Variants in TANC1 observed in about 807,000 individuals in gnomAD.
TANC1 encodes tetratricopeptide repeat, ankyrin repeat and coiled-coil containing 1, also known as protein TANC1.
TANC1 carries 77 observed loss-of-function variants against 149.7 expected under a neutral mutation model. The observed-to-expected ratio is 0.51, with a 90% CI of 0.43 to 0.62. The LOEUF (loss-of-function observed/expected upper bound fraction) is 0.62, where lower values mean the gene tolerates loss of function less well. Ranked by LOEUF, TANC1 falls within the 20% of genes least tolerant of loss-of-function variation. The pLI, the probability that TANC1 is intolerant of heterozygous loss-of-function variation, is 0.00. For missense variants in TANC1, 1,985 were observed against 2,321.8 expected (o/e 0.85, Z 2.98); for synonymous variants, 854 against 925.0 (o/e 0.92, Z 1.39).
chr2:158,999,002 A>T (rs1170216373), intron 1 of TANC1, among the ~76,000 whole-genome samples: 1 of 152,194 alleles, frequency 6.6e-6, no homozygotes, highest in Non-Finnish European at 1.5e-5. Flanking sequence ...AGACTTGGGG[A>T]TTTGCCCAGA....
At chr2:159,038,928 C>T (rs537369693) in intron 2 of TANC1, among the ~76,000 whole-genome samples, 2 of 152,278 alleles carry the variant, frequency 1.3e-5, no homozygotes, top group South Asian at 2.1e-4. Flanking sequence ...AGGAATGGTA[C>T]CAGCTCCTCT....
At chr2:159,223,839 A>G (rs1371314543) in intron 22 of TANC1, among the ~76,000 whole-genome samples, 1 of 152,128 alleles carries the variant, frequency 6.6e-6, no homozygotes, top group African/African-American at 2.4e-5. Context: ...TTCTAAAGTC[A>G]CCACTGCTGT....
At chr2:159,090,389 A>G (rs572074086) in intron 3 of TANC1, among the ~76,000 whole-genome samples, 7 of 152,170 alleles carry the variant, frequency 4.6e-5, no homozygotes, top group African/African-American at 1.7e-4. Flanking sequence ...CTTTTTGACC[A>G]CCTTCTTGCT....
intron 1 of TANC1, among the ~76,000 whole-genome samples, chr2:158,981,197 G>A (rs955398834): frequency 6.6e-6 from 1 of 151,942 alleles, no homozygotes; most frequent in African/African-American, 2.4e-5. Flanking sequence ...AGACACACCT[G>A]TAATCCTGGC....
intron 8 of TANC1, among the ~76,000 whole-genome samples, chr2:159,165,837 C>A (rs2054546582): frequency 6.6e-6 from 1 of 152,250 alleles, no homozygotes; most frequent in African/African-American, 2.4e-5. Flanking sequence ...GACCTCTGTT[C>A]ACAGCCTCCT....
intron 2 of TANC1, among the ~76,000 whole-genome samples, chr2:159,028,947 G>T (rs1473007944): frequency 6.6e-6 from 1 of 152,124 alleles, no homozygotes; most frequent in African/African-American, 2.4e-5. Flanking sequence ...TAGAGATGAG[G>T]ATCTTGCTAT....
intron 16 of TANC1, among the ~76,000 whole-genome samples, chr2:159,188,902 T>C (rs73002964): frequency 0.015 from 2,348 of 152,336 alleles, 53 homozygotes; most frequent in African/African-American, 0.044. Context: ...AATTTCCATA[T>C]CGTTGGGGGA....
At chr2:158,981,489 TTTTATATATATATATATA>T (rs2034308269) in intron 1 of TANC1, among the ~76,000 whole-genome samples, 1 of 51,692 alleles carries the variant, frequency 1.9e-5, no homozygotes, top group South Asian at 9.5e-4. Context: ...AATATATAGC[TTTTATATATATATATATA>T]TATATATATA....
At chr2:159,205,438 T>C (rs557365454) in intron 19 of TANC1, among the ~76,000 whole-genome samples, 1 of 152,316 alleles carries the variant, frequency 6.6e-6, no homozygotes, top group East Asian at 1.9e-4. Flanking sequence ...CCCCACATAA[T>C]GATGTTTCTG....
chr2:159,210,720 A>G (rs1389548248), intron 19 of TANC1, among the ~76,000 whole-genome samples: 1 of 151,862 alleles, frequency 6.6e-6, no homozygotes, highest in Non-Finnish European at 1.5e-5. Context: ...GGAATGTGTC[A>G]TCACGCCCAG....
In TANC1 at chr2:159,109,145, C is replaced by G. The variant is rs118176127; in HGVS notation, c.259+11311C>G. On this transcript the variant is annotated intron_variant, in intron 4 of 26. Coordinates refer to ENST00000263635, the MANE Select transcript of TANC1 (RefSeq NM_033394.3). ...CACCCTAAATCCAGAACTGGTGAGA[C>G]TGCAGTTCAGCTAATGAGATGTGAA... Among the ~76,000 whole-genome samples the G allele has an allele frequency of 5.3e-5, 8 of 152,326 alleles. No individual in the cohort carries two copies. In the East Asian group the frequency reaches 1.4e-3, roughly 26 times the overall value.
In TANC1 at chr2:159,231,743, G is replaced by T. The variant is rs950301942; in HGVS notation, c.*731G>T. On this transcript the variant is annotated 3_prime_UTR_variant, in exon 27 of 27. Coordinates refer to ENST00000263635, the MANE Select transcript of TANC1 (RefSeq NM_033394.3). Reference sequence around the variant, plus strand: ...TGGAGTCATGATTGGTGGTCAAGTGGATTCAAGCTAAAATACTAAGACCAG... The same window carrying T: ...TGGAGTCATGATTGGTGGTCAAGTGTATTCAAGCTAAAATACTAAGACCAG... The T allele has an allele frequency of 6.6e-6, 1 of 152,144 alleles. No homozygotes were observed. Among genetic ancestry groups the T allele is most frequent in the African/African-American group, 2.4e-5 (1 of 41,422 alleles). 9.4% of individuals were successfully genotyped at this position (152,144 alleles called of 1,614,324 possible).
intron 14 of TANC1, among the ~76,000 whole-genome samples, chr2:159,185,517 G>C (rs747752465): frequency 1.3e-5 from 2 of 152,188 alleles, no homozygotes; most frequent in African/African-American, 4.8e-5. Flanking sequence ...CCTAGTGGTG[G>C]TGATCCTGAG....
At chr2:159,196,381 T>G (rs548326284) in intron 17 of TANC1, among the ~76,000 whole-genome samples, 1 of 152,306 alleles carries the variant, frequency 6.6e-6, no homozygotes, top group East Asian at 1.9e-4. Flanking sequence ...GGAGGGTGTT[T>G]TGTGACCCTG....
rs373966014 is a variant in TANC1 at position 159,163,450 on chromosome 2, A to G, written c.850A>G (p.Thr284Ala). Reference protein sequence around the residue: ...EEETTGSAESTLPKAESSAGD... With the variant: ...EEETTGSAESALPKAESSAGD... ...GGAGACCACCGGGTCAGCAGAGAGC[A>G]CGCTGCCCAAAGCAGAATCCTCAGC... is the stretch of plus-strand genomic sequence containing the variant. Residue 284 changes from threonine to alanine, a missense_variant, in exon 8 of 27, where the codon ACG (threonine) becomes GCG (alanine). Transcript: ENST00000263635. 42 of 1,613,976 alleles carry G rather than the reference A, an allele frequency of 2.6e-5. No individual in the cohort carries two copies. Among genetic ancestry groups the G allele is most frequent in the Non-Finnish European group, 3.5e-5 (41 of 1,180,020 alleles).
chr2:159,059,796 T>C (rs1315067568), intron 2 of TANC1, among the ~76,000 whole-genome samples: 1 of 151,776 alleles, frequency 6.6e-6, no homozygotes, highest in African/African-American at 2.4e-5. Flanking sequence ...CTAGGAGTGA[T>C]GAGACATGGC....
intron 2 of TANC1, among the ~76,000 whole-genome samples, chr2:159,050,363 G>A (rs574965984): frequency 5.1e-4 from 78 of 152,268 alleles, no homozygotes; most frequent in African/African-American, 1.9e-3. Context: ...TTGATTACAG[G>A]TGTGAGCCAC....
chr2:159,125,837 C>T (rs1175643069), intron 4 of TANC1, among the ~76,000 whole-genome samples: 1 of 152,158 alleles, frequency 6.6e-6, no homozygotes, highest in Admixed American at 6.5e-5. Flanking sequence ...ATCCACCCGC[C>T]TCGGTCTCCC....
In TANC1 at chr2:159,178,552, C is replaced by T. The variant is rs2056127896; in HGVS notation, c.1903-4C>T. 6.5e-7 allele frequency: 1 copy of T among 1,549,428 alleles called. No homozygotes were observed. Among genetic ancestry groups the T allele is most frequent in the Non-Finnish European group, 8.7e-7 (1 of 1,150,468 alleles). On this transcript the variant is annotated splice_polypyrimidine_tract_variant and splice_region_variant and intron_variant, in intron 13 of 26. Transcript: ENST00000263635. ...ACACTGTGGGTTTTTGTTTTCTCCC[C>T]CAGGAAATCATAAGTGCGCTGCCAT... is the stretch of plus-strand genomic sequence containing the variant.
Sources: gnomAD v4.1 joint callset for allele counts (sites outside exome capture counted in the v4.1 genomes callset) on GRCh38, gnomAD v4.1.1 for gene constraint, MANE v1.5 for transcripts, NCBI Gene and HGNC (gene_info 2026-07-23, HGNC 2026-07-21) for gene names.